The following TPTE variants were observed in gnomAD, a reference collection of about 807,000 sequenced individuals.
TPTE encodes transmembrane phosphatase with tensin homology.
TPTE carries 59 observed loss-of-function variants against 84.1 expected under a neutral mutation model. That is an observed-to-expected ratio of 0.70 (90% CI 0.57 to 0.87). TPTE has a LOEUF of 0.87. Ranked by LOEUF, TPTE falls within the 40% of genes least tolerant of loss-of-function variation. The probability of loss-of-function intolerance (pLI) is 0.00; values close to 1 mark genes in which losing one functional copy is unlikely to be tolerated. For missense variants in TPTE, 382 were observed against 659.6 expected (o/e 0.58, Z 4.61); for synonymous variants, 130 against 223.5 (o/e 0.58, Z 3.73).
intron 23 of TPTE, among the ~76,000 whole-genome samples, chr21:10,604,858 A>G (rs1600999101): frequency 6.6e-6 from 1 of 152,424 alleles, no homozygotes; most frequent in African/African-American, 2.4e-5. Context: ...TTTACATCCT[A>G]CTTGGTAAAG....
In TPTE at chr21:10,521,597, C is replaced by G. The variant is rs1392798872; in HGVS notation, c.-308C>G. ...CAAGGGAGGGCACAACAGCTGCTAC[C>G]TGAACAGTTTCTGACCCAACAGTTA... On this transcript the variant is annotated 5_prime_UTR_variant, in exon 1 of 24. Coordinates refer to ENST00000618007, the MANE Select transcript of TPTE (RefSeq NM_199261.4). The G allele has an allele frequency of 1.3e-5, 2 of 154,866 alleles. No homozygotes were observed. Among genetic ancestry groups the G allele is most frequent in the African/African-American group, 4.8e-5 (2 of 41,498 alleles). 9.6% of individuals were successfully genotyped at this position (154,866 alleles called of 1,614,324 possible). A position where few individuals can be genotyped will look rare whatever the true frequency, so the allele number is the denominator to read the frequency against.
At chr21:10,536,668 C>T (rs1432622772) in intron 3 of TPTE, among the ~76,000 whole-genome samples, 7 of 152,428 alleles carry the variant, frequency 4.6e-5, no homozygotes, top group African/African-American at 1.4e-4. Flanking sequence ...TATGGCCATA[C>T]AGAATGTCTT....
intron 17 of TPTE, among the ~76,000 whole-genome samples, chr21:10,582,841 C>T (rs528848765): frequency 6.6e-6 from 1 of 152,426 alleles, no homozygotes; most frequent in African/African-American, 2.4e-5. Flanking sequence ...TCAAGCAATT[C>T]TCATGCCTGT....
At chr21:10,596,333 T>A (rs1271307972) in intron 20 of TPTE, among the ~76,000 whole-genome samples, 1 of 152,310 alleles carries the variant, frequency 6.6e-6, no homozygotes, top group African/African-American at 2.4e-5. Context: ...CCCTTTCCCA[T>A]CTCTCCTGTT....
In TPTE at chr21:10,604,187, G is replaced by A. The variant is rs1488629904; in HGVS notation, c.1520+555G>A. 2.0e-5 allele frequency among the ~76,000 whole-genome samples: 3 copies of A among 152,302 alleles called. No homozygotes were observed. The South Asian group carries it at 6.2e-4, about 32-fold the overall frequency. On this transcript the variant is annotated intron_variant, in intron 23 of 23. Coordinates refer to ENST00000618007, the MANE Select transcript of TPTE (RefSeq NM_199261.4). The stretch of plus-strand genomic sequence containing the variant: ...ATATGGCTTTCTAATAACTGAATTG[G>A]GAAACCTTTCTGAAAAATTATTAAT...
chr21:10,522,128 C>T (rs1485673157), intron 1 of TPTE, among the ~76,000 whole-genome samples: 2 of 152,210 alleles, frequency 1.3e-5, no homozygotes, highest in Non-Finnish European at 1.5e-5. Flanking sequence ...CCGAGGCGCC[C>T]GGCTCTCGTT....
intron 22 of TPTE, chr21:10,602,755 A>T (rs769895171): frequency 3.9e-6 from 2 of 517,980 alleles, no homozygotes; most frequent in Middle Eastern, 6.5e-4. Context: ...GGAGGGCAGC[A>T]CACTTCGCAG....
chr21:10,572,053 G>T (rs1381301097), intron 14 of TPTE, among the ~76,000 whole-genome samples: 1 of 152,302 alleles, frequency 6.6e-6, no homozygotes, highest in African/African-American at 2.4e-5. Flanking sequence ...AGACATGGGA[G>T]AGATATGGCC....
chr21:10,571,100 C>A (rs1222551514), intron 14 of TPTE, among the ~76,000 whole-genome samples: 1 of 152,310 alleles, frequency 6.6e-6, no homozygotes, highest in African/African-American at 2.4e-5. Context: ...TGGCAATACC[C>A]CATAACTAGC....
intron 17 of TPTE, 41 bp downstream of exon 17, chr21:10,578,646 A>G (rs769150366): frequency 9.3e-6 from 15 of 1,611,648 alleles, no homozygotes; most frequent in Non-Finnish European, 1.0e-5. Context: ...TTCTAAAGAC[A>G]TGTAAATATA....
intron 22 of TPTE, 38 bp from the exon 23 acceptor site, chr21:10,603,524 G>A: frequency 1.3e-6 from 2 of 1,567,316 alleles, no homozygotes; most frequent in South Asian, 2.3e-5. Flanking sequence ...ATTAGTTCTT[G>A]GTATCAGTTT....
At chr21:10,553,721 T>TTA (rs1408618014) in intron 8 of TPTE, among the ~76,000 whole-genome samples, 1 of 152,306 alleles carries the variant, frequency 6.6e-6, no homozygotes, top group Non-Finnish European at 1.5e-5. Context: ...GATATTGGAT[T>TTA]TATAGTAAAA....
At chr21:10,523,935 T>G (rs1600845314) in intron 1 of TPTE, among the ~76,000 whole-genome samples, 1 of 152,310 alleles carries the variant, frequency 6.6e-6, no homozygotes, top group Admixed American at 6.5e-5. Context: ...GTGTTCCTAT[T>G]TCTCCACATC....
intron 3 of TPTE, among the ~76,000 whole-genome samples, chr21:10,528,495 C>T (rs533337642): frequency 1.4e-3 from 210 of 152,334 alleles, no homozygotes; most frequent in African/African-American, 5.0e-3. Flanking sequence ...TTTTGTTGTT[C>T]AAATAAGTTG....
At chr21:10,592,805 G>GGTTGTGTGTGT (rs1555820854) in intron 19 of TPTE, among the ~76,000 whole-genome samples, 5 of 148,850 alleles carry the variant, frequency 3.4e-5, no homozygotes, top group African/African-American at 9.9e-5. Context: ...GATGACTCCT[G>GGTTGTGTGTGT]GTGTGTGTGT....
intron 7 of TPTE, among the ~76,000 whole-genome samples, chr21:10,545,330 T>C (rs1158270354): frequency 3.3e-5 from 5 of 152,306 alleles, no homozygotes; most frequent in African/African-American, 4.8e-5. Context: ...TTACATAATA[T>C]AAGGTTTTCT....
At chr21:10,548,706 T>C (rs1465314467) in intron 7 of TPTE, among the ~76,000 whole-genome samples, 2 of 152,300 alleles carry the variant, frequency 1.3e-5, no homozygotes, top group African/African-American at 4.8e-5. Context: ...TATGCACCTA[T>C]ATATTTGGTC....
In TPTE at chr21:10,597,910, A is replaced by AAAT. The variant is rs2075618824; in HGVS notation, c.1277-105_1277-104insAAT. The AAAT allele has an allele frequency of 4.2e-6, 6 of 1,432,364 alleles. No homozygotes were observed. In the East Asian group the frequency reaches 1.4e-4, roughly 34 times the overall value. The allele number at this position is 1,432,364 out of a possible 1,614,324, so 88.7% of individuals were successfully genotyped here. A position where few individuals can be genotyped will look rare whatever the true frequency, so the allele number is the denominator to read the frequency against. Reference sequence around the variant, plus strand: ...AATAAGTGACTATTGATACATTGTTAGCTTGGATAATTTTTTCTCATTTTA... The same window carrying AAAT: ...AATAAGTGACTATTGATACATTGTTAAATGCTTGGATAATTTTTTCTCATTTTA... On this transcript the variant is annotated intron_variant, in intron 20 of 23. Transcript: ENST00000618007.
chr21:10,578,948 T>G (rs1359264104), intron 17 of TPTE, among the ~76,000 whole-genome samples: 1 of 152,312 alleles, frequency 6.6e-6, no homozygotes, highest in African/African-American at 2.4e-5. Context: ...ATCAGAGTAC[T>G]GTTATTTAAG....
Sources: allele counts gnomAD v4.1 joint callset (sites outside exome capture counted in the v4.1 genomes callset), GRCh38; gene constraint gnomAD v4.1.1; transcripts MANE v1.5; gene names NCBI Gene and HGNC (gene_info 2026-07-23, HGNC 2026-07-21).